PRKACB: variants seen among roughly 807,000 people sequenced by gnomAD.
PRKACB encodes protein kinase cAMP-activated catalytic subunit beta, also known as cAMP-dependent protein kinase catalytic subunit beta.
In PRKACB, 16 loss-of-function variants were observed where a neutral mutation model predicts 51.4. That is an observed-to-expected ratio of 0.31 (90% CI 0.21 to 0.47). The LOEUF is 0.47. PRKACB is among the 20% of genes least tolerant of loss of function. PRKACB has a pLI of 1.00. For synonymous variants in PRKACB, 147 were observed against 154.4 expected, an observed-to-expected ratio of 0.95 and a Z score of 0.35; for missense variants, 309 against 464.5, an observed-to-expected ratio of 0.67 and a Z score of 3.08.
At chr1:84,228,544 T>C (rs1401741810) in intron 9 of PRKACB, among the ~76,000 whole-genome samples, 1 of 152,212 alleles carries the variant, frequency 6.6e-6, no homozygotes, top group East Asian at 1.9e-4. Flanking sequence ...TTAAAATCTT[T>C]TCCTCAAATG....
intron 8 of PRKACB, chr1:84,205,462 T>A: frequency 6.1e-6 from 1 of 164,362 alleles, no homozygotes; most frequent in Non-Finnish European, 1.3e-5. Context: ...TATATTTATA[T>A]TTGCATTTGA....
At chr1:84,148,012 A>G (rs1654338531) in intron 1 of PRKACB, among the ~76,000 whole-genome samples, 1 of 152,162 alleles carries the variant, frequency 6.6e-6, no homozygotes, top group Non-Finnish European at 1.5e-5. Context: ...AAGTTAACTT[A>G]CTTTACTACA....
At position 84,237,069 on chromosome 1, in the gene PRKACB, G is replaced by A. The variant is rs1166102399; in HGVS notation, c.*1764G>A. 12 of 152,050 alleles carry A rather than the reference G, an allele frequency of 7.9e-5. No individual in the cohort carries two copies. Among genetic ancestry groups the A allele is most frequent in the South Asian group, 2.1e-4 (1 of 4,818 alleles). 9.4% of individuals were successfully genotyped at this position (152,050 alleles called of 1,614,324 possible). Reference sequence around the variant, plus strand: ...CTTTCTACCAATCTATATGTCTTTCGGTTATCAAGTGTTTCTGCATGGTAA... The same window carrying A: ...CTTTCTACCAATCTATATGTCTTTCAGTTATCAAGTGTTTCTGCATGGTAA... On this transcript the variant is annotated 3_prime_UTR_variant, in exon 10 of 10. Coordinates refer to ENST00000370685, the MANE Select transcript of PRKACB (RefSeq NM_182948.4).
chr1:84,231,545 T>C (rs1675660150), intron 9 of PRKACB, among the ~76,000 whole-genome samples: 1 of 152,238 alleles, frequency 6.6e-6, no homozygotes, highest in Admixed American at 6.5e-5. Context: ...TGAATCCATC[T>C]GGTCCTGGAC....
At position 84,199,832 on chromosome 1, in the gene PRKACB, GTTTA is replaced by G. The variant is rs3051183; in HGVS notation, c.783+2032_783+2035del. ...AGCATCTGTTATTTTTTGACTATTT[GTTTA>G]TTTATTTATTTATTTATTTATTTTC... On this transcript the variant is annotated intron_variant, in intron 7 of 9. Transcript: ENST00000370685. 1.7e-4 allele frequency among the ~76,000 whole-genome samples: 26 copies of G among 149,498 alleles called. No homozygotes were observed. In the South Asian group the frequency reaches 1.9e-3, roughly 11 times the overall value.
intron 1 of PRKACB, among the ~76,000 whole-genome samples, chr1:84,169,324 G>A (rs1008289356): frequency 2.0e-5 from 3 of 151,524 alleles, no homozygotes; most frequent in Non-Finnish European, 3.0e-5. Flanking sequence ...ACTAAGACAT[G>A]AAACAAAGAT....
chr1:84,133,433 A>G (rs1416392351), intron 1 of PRKACB, among the ~76,000 whole-genome samples: 1 of 152,182 alleles, frequency 6.6e-6, no homozygotes, highest in African/African-American at 2.4e-5. Flanking sequence ...TAAAATAAGG[A>G]TCTTTTATTT....
At chr1:84,231,744 A>G (rs1675699868) in intron 9 of PRKACB, among the ~76,000 whole-genome samples, 1 of 151,964 alleles carries the variant, frequency 6.6e-6, no homozygotes, top group South Asian at 2.1e-4. Context: ...GGTAGTTTGT[A>G]TTTCTGTGGG....
Position 84,235,295 on chromosome 1 carries a change from G to A in PRKACB, c.1187G>A (p.Gly396Asp), listed in dbSNP as rs1476285361. ...ACAGAAAAATGTGCAAAAGAATTTG[G>A]TGAATTTTAAAGAGGAACAAGATGA... ...SITEKCAKEF[G>D]EF is the part of the protein sequence containing the mutation. Residue 396 changes from glycine (G) to aspartate (D), a missense_variant, in exon 10 of 10, where the codon GGT becomes GAT. By Grantham distance (94) the Gly-to-Asp change is moderately conservative. Coordinates refer to ENST00000370685, the MANE Select transcript of PRKACB (RefSeq NM_182948.4). 19 of 1,613,866 alleles carry A rather than the reference G, an allele frequency of 1.2e-5. No homozygotes were observed. Among genetic ancestry groups the A allele is most frequent in the Non-Finnish European group, 1.6e-5 (19 of 1,179,970 alleles).
chr1:84,084,992 A>G lies in PRKACB; in HGVS notation c.46+6621A>G, dbSNP rs1386441258. ...TTTCAAAGACAACTGTTTAGAAACT[A>G]TGGAAACTATAACATCTGGCATAAC... is the stretch of plus-strand genomic sequence containing the variant. On this transcript the variant is annotated intron_variant, in intron 1 of 8. Coordinates refer to the PRKACB transcript ENST00000370688. Among the ~76,000 whole-genome samples the G allele has an allele frequency of 3.3e-5, 5 of 152,340 alleles. No individual in the cohort carries two copies. In the East Asian group the frequency reaches 5.8e-4, roughly 18 times the overall value.
At chr1:84,200,329 G>A (rs540672591) in intron 7 of PRKACB, among the ~76,000 whole-genome samples, 10 of 152,116 alleles carry the variant, frequency 6.6e-5, no homozygotes, top group African/African-American at 2.2e-4. Context: ...CCTTTTCATG[G>A]GGTTGTTTGT....
chr1:84,151,572 C>G (rs905060360), intron 1 of PRKACB, among the ~76,000 whole-genome samples: 6 of 152,200 alleles, frequency 3.9e-5, no homozygotes, highest in Non-Finnish European at 8.8e-5. Context: ...TTCTCTCAAA[C>G]CTTGTTACTG....
At chr1:84,200,765 G>A (rs1290095156) in intron 7 of PRKACB, among the ~76,000 whole-genome samples, 1 of 152,112 alleles carries the variant, frequency 6.6e-6, no homozygotes, top group Non-Finnish European at 1.5e-5. Context: ...GCTTGGTTTT[G>A]TCAGCTTTGT....
chr1:84,078,110 C>T (rs1003349937), upstream of PRKACB: 5 of 460,248 alleles, frequency 1.1e-5, no homozygotes, highest in Non-Finnish European at 1.8e-5. Context: ...GCCGCCGCCG[C>T]CGCCGCCGCC....
intron 1 of PRKACB, among the ~76,000 whole-genome samples, chr1:84,094,275 T>A (rs530825218): frequency 6.6e-6 from 1 of 152,134 alleles, no homozygotes; most frequent in South Asian, 2.1e-4. Flanking sequence ...TTGCTAATTA[T>A]TTTTCCTTTG....
chr1:84,175,028 A>G lies in PRKACB; in HGVS notation c.188-4149A>G, dbSNP rs1452306766. 6.8e-6 allele frequency: 10 copies of G among 1,474,520 alleles called. No individual in the cohort carries two copies. In the Admixed American group the frequency reaches 2.0e-4, roughly 30 times the overall value. The allele number at this position is 1,474,520 out of a possible 1,614,324, so 91.3% of individuals were successfully genotyped here. On this transcript the variant is annotated intron_variant, in intron 1 of 9. Transcript: ENST00000370685. ...TCATTTTCTAATTTATTTTTTGGACACAAGCTTGCTCCTCTTCAGAAATAT... is the reference window on the plus strand; with the variant it reads ...TCATTTTCTAATTTATTTTTTGGACGCAAGCTTGCTCCTCTTCAGAAATAT...
At chr1:84,183,584 A>G (rs544491952) in intron 3 of PRKACB, among the ~76,000 whole-genome samples, 15 of 151,928 alleles carry the variant, frequency 9.9e-5, no homozygotes, top group African/African-American at 3.6e-4. Flanking sequence ...TAAAATCACT[A>G]TCTACTTATT....
chr1:84,159,312 C>G (rs1655898655), intron 1 of PRKACB, among the ~76,000 whole-genome samples: 1 of 151,914 alleles, frequency 6.6e-6, no homozygotes, highest in Non-Finnish European at 1.5e-5. Flanking sequence ...TCTTTAATTT[C>G]TTTAGCGTTC....
intron 1 of PRKACB, among the ~76,000 whole-genome samples, chr1:84,154,963 C>T (rs1655290247): frequency 6.6e-6 from 1 of 152,020 alleles, no homozygotes; most frequent in Admixed American, 6.6e-5. Context: ...CCTGTAAGAT[C>T]ATGAACAAGG....
Sources: allele counts gnomAD v4.1 joint callset (sites outside exome capture counted in the v4.1 genomes callset), GRCh38; gene constraint gnomAD v4.1.1; transcripts MANE v1.5; gene names NCBI Gene and HGNC (gene_info 2026-07-23, HGNC 2026-07-21).